Variants in ZBTB24 observed in about 807,000 individuals in gnomAD.
ZBTB24 encodes the protein zinc finger and BTB domain containing 24, also known as zinc finger and BTB domain-containing protein 24.
In ZBTB24, 32 loss-of-function variants were observed where a neutral mutation model predicts 53.8. That is an observed-to-expected ratio of 0.60 (90% CI 0.45 to 0.80). The LOEUF (loss-of-function observed/expected upper bound fraction) is 0.80, where lower values mean the gene tolerates loss of function less well. Among genes scored for constraint, ZBTB24 ranks in the 30% least tolerant of loss-of-function variants. The pLI is 0.00. For synonymous variants in ZBTB24, 297 were observed against 306.7 expected, an observed-to-expected ratio of 0.97 and a Z score of 0.33; for missense variants, 722 against 837.1, an observed-to-expected ratio of 0.86 and a Z score of 1.70.
intron 5 of ZBTB24, among the ~76,000 whole-genome samples, chr6:109,474,259 CGATCTTACATAAAAAAACT>C (rs1438121045): frequency 6.6e-6 from 1 of 152,042 alleles, no homozygotes; most frequent in Admixed American, 6.6e-5. Flanking sequence ...TCCAATTTTC[CGATCTTACATAAAAAAACT>C]GACCTGCCCT....
Position 109,481,474 on chromosome 6 carries a change from G to C in ZBTB24, c.553C>G (p.Gln185Glu). Residue 185 changes from glutamine to glutamate, a missense_variant, in exon 2 of 7, where the codon CAG becomes GAG. Gln to Glu is a conservative substitution (Grantham distance 29). Coordinates refer to ENST00000230122, the MANE Select transcript of ZBTB24 (RefSeq NM_014797.3). ...KSELAAEEEI[Q>E]LRVNNSVQNR... ...TGAACTGAATTGTTCACTCTTAACTGTATTTCTTCCTCTGCAGCCAGTTCT... is the reference window on the plus strand; with the variant it reads ...TGAACTGAATTGTTCACTCTTAACTCTATTTCTTCCTCTGCAGCCAGTTCT... 1 of 1,614,148 alleles carries C rather than the reference G, an allele frequency of 6.2e-7. No homozygotes were observed. Among genetic ancestry groups the C allele is most frequent in the South Asian group, 1.1e-5 (1 of 91,084 alleles).
At chr6:109,469,943 G>GA (rs2115356436) in intron 5 of ZBTB24, among the ~76,000 whole-genome samples, 1 of 152,376 alleles carries the variant, frequency 6.6e-6, no homozygotes, top group South Asian at 2.1e-4. Flanking sequence ...CAGGAGCTAT[G>GA]AAATCCAGGC....
intron 5 of ZBTB24, 94 bp from the exon 6 acceptor site, chr6:109,467,828 G>A: frequency 7.1e-7 from 1 of 1,398,832 alleles, no homozygotes; most frequent in Admixed American, 2.1e-5. Flanking sequence ...AAACACTTCG[G>A]TTTCACAATA....
chr6:109,473,825 G>A (rs1776218977), intron 5 of ZBTB24, among the ~76,000 whole-genome samples: 1 of 152,148 alleles, frequency 6.6e-6, no homozygotes, highest in Admixed American at 6.5e-5. Context: ...GCTCACGCCT[G>A]TAATCCCAGC....
At chr6:109,482,196 G>C (rs1435279634) in intron 1 of ZBTB24, 142 bp from the exon 2 acceptor site, 13 of 733,574 alleles carry the variant, frequency 1.8e-5, no homozygotes, top group Non-Finnish European at 2.8e-5. Flanking sequence ...CTTAGCTCTG[G>C]GCCCGGGCGC....
chr6:109,473,305 C>A (rs1450749705), intron 5 of ZBTB24, among the ~76,000 whole-genome samples: 1 of 152,106 alleles, frequency 6.6e-6, no homozygotes, highest in African/African-American at 2.4e-5. Context: ...ACTCCCAGCT[C>A]TCTGGCTGCC....
intron 6 of ZBTB24, 198 bp downstream of exon 6, chr6:109,467,455 A>G: frequency 4.5e-6 from 4 of 886,282 alleles, no homozygotes; most frequent in Non-Finnish European, 5.4e-6. Context: ...CTCCACTCAC[A>G]CCACTGCACT....
At chr6:109,467,200 C>T (rs552510866) in intron 6 of ZBTB24, among the ~76,000 whole-genome samples, 18 of 152,196 alleles carry the variant, frequency 1.2e-4, no homozygotes, top group African/African-American at 4.3e-4. Flanking sequence ...TCCTTTTTAC[C>T]TAGGTGAGGA....
chr6:109,477,713 G>A (rs1776308686), intron 2 of ZBTB24, among the ~76,000 whole-genome samples: 1 of 152,176 alleles, frequency 6.6e-6, no homozygotes, highest in Non-Finnish European at 1.5e-5. Flanking sequence ...ATCACCACAG[G>A]GAGAGTAAGT....
rs200378080 is a variant in ZBTB24, at chr6:109,465,895, G to A, written c.2050C>T (p.His684Tyr). 15 of 1,614,210 alleles carry A rather than the reference G, an allele frequency of 9.3e-6. No individual in the cohort carries two copies. In the African/African-American group the frequency reaches 1.9e-4, roughly 20 times the overall value. Residue 684 changes from histidine to tyrosine, a missense_variant, in exon 7 of 7, where the codon CAC becomes TAC. Transcript: ENST00000230122. ...TQEPGPPPPT[H>Y]HVPQPTPLGQ... ...AGTGGCGTTGGCTGGGGCACGTGGT[G>A]AGTGGGTGGTGGCGGACCAGGCTCC...
chr6:109,467,988 C>T (rs2115354949), intron 5 of ZBTB24, among the ~76,000 whole-genome samples: 1 of 152,240 alleles, frequency 6.6e-6, no homozygotes, highest in Non-Finnish European at 1.5e-5. Flanking sequence ...AACCTGAAAA[C>T]TGCAACAAGG....
At chr6:109,467,756 A>C in intron 5 of ZBTB24, 22 bp from the exon 6 acceptor site, 1 of 1,612,110 alleles carries the variant, frequency 6.2e-7, no homozygotes, top group Non-Finnish European at 8.5e-7. Flanking sequence ...AAAAACAAAA[A>C]CAAAAAACCC....
At position 109,476,876 on chromosome 6, in the gene ZBTB24, G is replaced by A. The variant is rs780595544; in HGVS notation, c.1007C>T (p.Ser336Leu). The change falls in exon 3 of 7, where the codon TCG becomes TTG. Residue 336 changes from serine to leucine, a missense_variant. Transcript: ENST00000230122. The part of the protein sequence containing the change: ...ECGKGFAQKH[S>L]LQVHTRMHTG... ...GTGCATCCTGGTGTGGACCTGTAGC[G>A]AGTGCTTCTGGGCAAAGCCTTTTCC... The A allele has an allele frequency of 7.4e-6, 12 of 1,614,068 alleles. No homozygotes were observed. The highest frequency in any genetic ancestry group is 2.2e-5 in the East Asian group (1 of 44,894).
chr6:109,476,101 A>G (rs2236084), intron 4 of ZBTB24, 74 bp downstream of exon 4: 687,873 of 1,538,134 alleles, frequency 0.45, 158,302 homozygotes, highest in African/African-American at 0.71. Context: ...AGAACAATAT[A>G]AACCTAATGT....
chr6:109,475,302 T>G (rs1181216394), intron 5 of ZBTB24, 97 bp downstream of exon 5: 3 of 1,434,056 alleles, frequency 2.1e-6, no homozygotes, highest in Non-Finnish European at 2.9e-6. Context: ...AATAAACATT[T>G]CCAAACACAG....
chr6:109,466,273 C>T lies in ZBTB24; in HGVS notation c.1672G>A (p.Asp558Asn), dbSNP rs61731736. The change falls in exon 7 of 7, where the codon GAT becomes AAT. Residue 558 changes from aspartate (D) to asparagine (N), a missense_variant. Asp to Asn is a conservative substitution (Grantham distance 23). Coordinates refer to ENST00000230122, the MANE Select transcript of ZBTB24 (RefSeq NM_014797.3). ...ATGAAATTGATGTTATGTACAGAATCGGTTACGAGAAGCTGAATTTCCTGC... is the reference window on the plus strand; with the variant it reads ...ATGAAATTGATGTTATGTACAGAATTGGTTACGAGAAGCTGAATTTCCTGC... The part of the protein sequence containing the change: ...GEQEIQLLVT[D>N]SVHNINFMPG... 4,345 of 1,614,196 alleles carry T rather than the reference C, an allele frequency of 2.7e-3. 12 individuals carry two copies. Among genetic ancestry groups the T allele is most frequent in the Middle Eastern group, 6.6e-3 (40 of 6,062 alleles).
chr6:109,473,982 G>A (rs1051513736), intron 5 of ZBTB24, among the ~76,000 whole-genome samples: 1 of 151,282 alleles, frequency 6.6e-6, no homozygotes, highest in South Asian at 2.1e-4. Flanking sequence ...CCAGCTACTC[G>A]GGAGGATGAA....
At chr6:109,472,160 T>C (rs1029901629) in intron 5 of ZBTB24, among the ~76,000 whole-genome samples, 3 of 152,122 alleles carry the variant, frequency 2.0e-5, no homozygotes, top group East Asian at 1.9e-4. Flanking sequence ...TCACTCTGAA[T>C]GCCCAGGGAG....
chr6:109,474,180 G>A (rs1380282488), intron 5 of ZBTB24, among the ~76,000 whole-genome samples: 3 of 151,850 alleles, frequency 2.0e-5, no homozygotes, highest in African/African-American at 7.3e-5. Flanking sequence ...ACCTGTAATG[G>A]CAAGTTTTTC....
Sources: allele counts gnomAD v4.1 joint callset (sites outside exome capture counted in the v4.1 genomes callset), GRCh38; gene constraint gnomAD v4.1.1; transcripts MANE v1.5; gene names NCBI Gene and HGNC (gene_info 2026-07-23, HGNC 2026-07-21).